LMO7: variants seen among roughly 807,000 people sequenced by gnomAD.
LMO7 encodes LIM domain 7.
In LMO7, 120 loss-of-function variants were observed where a neutral mutation model predicts 206.5. The ratio of observed to expected loss-of-function variants is 0.58; its 90% CI spans 0.50 to 0.68. The LOEUF is 0.68. Ranked by LOEUF, LMO7 falls within the 30% of genes least tolerant of loss-of-function variation. The probability of loss-of-function intolerance (pLI) is 0.00; values close to 1 mark genes in which losing one functional copy is unlikely to be tolerated. For synonymous variants in LMO7, 706 were observed against 681.5 expected (o/e 1.04, Z -0.56); for missense variants, 1,959 against 1,957.9 (o/e 1.00, Z -0.01).
intron 1 of LMO7, among the ~76,000 whole-genome samples, chr13:75,702,517 C>T (rs1445717966): frequency 1.3e-5 from 2 of 152,128 alleles, no homozygotes; most frequent in African/African-American, 4.8e-5. Context: ...CAAAAATAGT[C>T]CTAGTATACT....
intron 1 of LMO7, among the ~76,000 whole-genome samples, chr13:75,675,614 G>A (rs1480568936): frequency 1.3e-5 from 2 of 152,098 alleles, no homozygotes; most frequent in African/African-American, 4.8e-5. Flanking sequence ...CTCTCCTGTG[G>A]TATTGGTGGA....
chr13:75,684,520 C>T (rs933991590), intron 1 of LMO7, among the ~76,000 whole-genome samples: 7 of 148,904 alleles, frequency 4.7e-5, no homozygotes, highest in African/African-American at 1.5e-4. Context: ...GCTGGGATTA[C>T]AGGCGTGAGC....
chr13:75,636,274 G>C (rs2035831550), upstream of LMO7: 1 of 1,046,400 alleles, frequency 9.6e-7, no homozygotes, highest in Non-Finnish European at 1.1e-6. Flanking sequence ...GGTGGGGTGG[G>C]CCGGGGCGGG....
At chr13:75,837,855 A>AT (rs2059251896) in intron 19 of LMO7, among the ~76,000 whole-genome samples, 1 of 152,216 alleles carries the variant, frequency 6.6e-6, no homozygotes, top group Admixed American at 6.5e-5. Flanking sequence ...GTGATCTAGC[A>AT]TGGAAGATGA....
At chr13:75,685,890 C>CTTTTTTTTT (rs551370410) in intron 1 of LMO7, among the ~76,000 whole-genome samples, 1 of 105,976 alleles carries the variant, frequency 9.4e-6, no homozygotes. Flanking sequence ...TTTTCTTTCT[C>CTTTTTTTTT]TTTTTTTTTT....
chr13:75,804,595 A>T (rs2055196760), intron 8 of LMO7, 54 bp downstream of exon 8: 1 of 1,556,150 alleles, frequency 6.4e-7, no homozygotes, highest in Middle Eastern at 1.7e-4. Context: ...ATATGGTAGG[A>T]TGTTAAATGT....
chr13:75,774,860 T>C (rs1350202330), intron 4 of LMO7, among the ~76,000 whole-genome samples: 2 of 152,136 alleles, frequency 1.3e-5, no homozygotes, highest in East Asian at 3.9e-4. Flanking sequence ...GAAATTACCA[T>C]TTGGTTATTT....
chr13:75,661,425 T>G (rs1004388283), intron 1 of LMO7, among the ~76,000 whole-genome samples: 1 of 152,226 alleles, frequency 6.6e-6, no homozygotes, highest in Non-Finnish European at 1.5e-5. Flanking sequence ...TCTCTGTGCT[T>G]TAGCTTTCTT....
intron 1 of LMO7, among the ~76,000 whole-genome samples, chr13:75,638,771 T>C (rs527556795): frequency 3.4e-4 from 52 of 152,262 alleles, no homozygotes; most frequent in African/African-American, 1.2e-3. Context: ...AAAGCACATA[T>C]TTTAAAATAT....
intron 15 of LMO7, among the ~76,000 whole-genome samples, chr13:75,824,205 C>T (rs2057890250): frequency 1.3e-5 from 2 of 152,056 alleles, no homozygotes; most frequent in Non-Finnish European, 2.9e-5. Context: ...GTACAGCAGT[C>T]ACTTTAAAGG....
At chr13:75,737,764 AAAT>A (rs1355097567) in intron 3 of LMO7, among the ~76,000 whole-genome samples, 5 of 26,752 alleles carry the variant, frequency 1.9e-4, no homozygotes, top group East Asian at 1.3e-3. Context: ...AAAAAAAAAA[AAAT>A]AAAATAAAAT....
At chr13:75,760,059 CT>C (rs766977594) in intron 3 of LMO7, among the ~76,000 whole-genome samples, 347 of 139,090 alleles carry the variant, frequency 2.5e-3, no homozygotes, top group Admixed American at 2.1e-3. Context: ...TTTTCTTCTT[CT>C]TTTTTTTTTT....
At chr13:75,806,091 A>G in intron 9 of LMO7, 2 of 1,069,330 alleles carry the variant, frequency 1.9e-6, no homozygotes, top group Non-Finnish European at 2.3e-6. Flanking sequence ...ATGAGGACTC[A>G]GGTTCTGACA....
intron 2 of LMO7, among the ~76,000 whole-genome samples, chr13:75,726,340 A>G (rs1030844851): frequency 2.0e-5 from 3 of 152,062 alleles, no homozygotes; most frequent in African/African-American, 7.2e-5. Context: ...TTTCTTTTTT[A>G]TAGAGTTGGC....
At chr13:75,721,784 T>C (rs1327520860) in intron 2 of LMO7, among the ~76,000 whole-genome samples, 1 of 152,260 alleles carries the variant, frequency 6.6e-6, no homozygotes, top group Non-Finnish European at 1.5e-5. Context: ...AACATGGGTG[T>C]GCAAGTATCT....
chr13:75,649,252 G>T (rs940522943), intron 1 of LMO7, among the ~76,000 whole-genome samples: 12 of 152,214 alleles, frequency 7.9e-5, no homozygotes, highest in Non-Finnish European at 1.5e-5. Context: ...GAATGGGTCA[G>T]TGGAGGGGAA....
At chr13:75,805,119 A>G (rs1054382805) in intron 8 of LMO7, 6 of 1,040,200 alleles carry the variant, frequency 5.8e-6, no homozygotes, top group Non-Finnish European at 6.9e-6. Flanking sequence ...TCCTGCTGAT[A>G]TGTTTGCCAT....
chr13:75,800,492 T>C (rs2054587394), intron 6 of LMO7, among the ~76,000 whole-genome samples, 192 bp from the exon 7 acceptor site: 1 of 152,184 alleles, frequency 6.6e-6, no homozygotes, highest in African/African-American at 2.4e-5. Flanking sequence ...ATTGTATCAG[T>C]TGTGGGCAAA....
intron 4 of LMO7, among the ~76,000 whole-genome samples, chr13:75,773,302 G>A (rs764611783): frequency 6.6e-6 from 1 of 152,126 alleles, no homozygotes; most frequent in Non-Finnish European, 1.5e-5. Flanking sequence ...GGACAAGCTT[G>A]AGTGAGGCCT....
Sources: allele counts gnomAD v4.1 joint callset (sites outside exome capture counted in the v4.1 genomes callset), GRCh38; gene constraint gnomAD v4.1.1; transcripts MANE v1.5; gene names NCBI Gene and HGNC (gene_info 2026-07-23, HGNC 2026-07-21).